COBL: variants seen among roughly 807,000 people sequenced by gnomAD.
COBL encodes protein cordon-bleu.
A neutral mutation model predicts 98.8 loss-of-function variants in COBL; 51 were observed. That is an observed-to-expected ratio of 0.52 (90% confidence interval 0.41 to 0.65). The LOEUF is 0.65. Among genes scored for constraint, COBL ranks in the 30% least tolerant of loss-of-function variants. The probability of loss-of-function intolerance (pLI) is 0.00; values close to 1 mark genes in which losing one functional copy is unlikely to be tolerated. For missense variants in COBL, 1,617 were observed against 1,617.5 expected, an observed-to-expected ratio of 1.00 and a Z score of 0.01; for synonymous variants, 634 against 651.7, an observed-to-expected ratio of 0.97 and a Z score of 0.41.
At chr7:51,269,549 C>A (rs1442221556) in intron 1 of COBL, among the ~76,000 whole-genome samples, 3 of 152,346 alleles carry the variant, frequency 2.0e-5, no homozygotes, top group Non-Finnish European at 2.9e-5. Flanking sequence ...GGAGCGTGGG[C>A]TCCATGTCAC....
At chr7:51,089,256 G>A (rs554542549) in intron 6 of COBL, among the ~76,000 whole-genome samples, 3 of 152,218 alleles carry the variant, frequency 2.0e-5, no homozygotes, top group Admixed American at 6.5e-5. Flanking sequence ...ACTCATGCCT[G>A]TAATCCCAGC....
chr7:51,292,980 T>C (rs1410222444), intron 1 of COBL, among the ~76,000 whole-genome samples: 1 of 152,206 alleles, frequency 6.6e-6, no homozygotes, highest in Non-Finnish European at 1.5e-5. Flanking sequence ...ACTAAACACA[T>C]GTGATGCGCC....
Position 51,028,870 on chromosome 7 carries a change from A to G in COBL, c.2226T>C (p.Pro742=). Residue 742 remains proline, a synonymous_variant, in exon 10 of 13, where the codon CCT becomes CCC. Transcript: ENST00000265136. ...KIDELGNLVS[P]HATGIRIISL... is the part of the protein sequence containing the mutation. ...AAATGATCCTGATGCCGGTGGCGTG[A>G]GGACTCACCAAGTTCCCCAGCTCGT... The G allele has an allele frequency of 6.2e-7, 1 of 1,614,178 alleles. No individual in the cohort carries two copies. The highest frequency in any genetic ancestry group is 8.5e-7 in the Non-Finnish European group (1 of 1,180,030).
chr7:51,276,905 A>T (rs1208091706), intron 1 of COBL, among the ~76,000 whole-genome samples: 3 of 152,226 alleles, frequency 2.0e-5, no homozygotes, highest in Non-Finnish European at 4.4e-5. Context: ...GCTGAGGCTC[A>T]TAAGATTTGA....
At chr7:51,269,483 C>T (rs1798556615) in intron 1 of COBL, among the ~76,000 whole-genome samples, 1 of 152,190 alleles carries the variant, frequency 6.6e-6, no homozygotes, top group Non-Finnish European at 1.5e-5. Flanking sequence ...CAGAGTCGGG[C>T]ACTAGGCAGG....
intron 1 of COBL, among the ~76,000 whole-genome samples, chr7:51,291,678 T>G (rs2129187768): frequency 6.6e-6 from 1 of 152,050 alleles, no homozygotes; most frequent in South Asian, 2.1e-4. Context: ...GGGGAATCAC[T>G]TGAACCCAGG....
chr7:51,050,340 A>C (rs950890772), intron 7 of COBL, among the ~76,000 whole-genome samples: 1 of 152,172 alleles, frequency 6.6e-6, no homozygotes, highest in Non-Finnish European at 1.5e-5. Flanking sequence ...GAAAATTCCA[A>C]GTTATTCCAC....
chr7:51,052,874 A>T (rs1370376106), intron 7 of COBL, among the ~76,000 whole-genome samples: 1 of 152,220 alleles, frequency 6.6e-6, no homozygotes, highest in Non-Finnish European at 1.5e-5. Flanking sequence ...TTAGCTTTCC[A>T]TAACACACTG....
chr7:51,309,779 G>C (rs1208013412), intron 1 of COBL, among the ~76,000 whole-genome samples: 1 of 152,192 alleles, frequency 6.6e-6, no homozygotes, highest in Admixed American at 6.5e-5. Flanking sequence ...TGACACAAAA[G>C]CTTACAAAGT....
At position 51,044,364 on chromosome 7, in the gene COBL, A is replaced by G. The variant is rs564975028; in HGVS notation, c.1097-672T>C. On this transcript the variant is annotated intron_variant, in intron 7 of 12. Transcript: ENST00000265136. ...CTTAATACTAATGATGGGTAGCACT[A>G]TGGCTATTCTGCGCAACTACCTAGC... 1.1e-4 allele frequency among the ~76,000 whole-genome samples: 17 copies of G among 152,336 alleles called. No homozygotes were observed. The South Asian group carries it at 3.5e-3, about 32-fold the overall frequency.
chr7:51,103,939 G>A (rs1367448298), intron 6 of COBL, among the ~76,000 whole-genome samples: 1 of 152,214 alleles, frequency 6.6e-6, no homozygotes, highest in African/African-American at 2.4e-5. Context: ...CCAGGCCTTG[G>A]CGGCCACTTT....
intron 1 of COBL, among the ~76,000 whole-genome samples, chr7:51,310,634 T>C (rs1457307927): frequency 6.6e-6 from 1 of 152,074 alleles, no homozygotes; most frequent in Admixed American, 6.6e-5. Flanking sequence ...ACTTACCTGG[T>C]TTATCTTTGG....
At chr7:51,225,507 G>T (rs2129096507) in intron 1 of COBL, among the ~76,000 whole-genome samples, 1 of 152,264 alleles carries the variant, frequency 6.6e-6, no homozygotes, top group East Asian at 1.9e-4. Context: ...AGGCAGGGCA[G>T]GTCCTTGGGA....
At chr7:51,088,340 T>A (rs1299816518) in intron 6 of COBL, among the ~76,000 whole-genome samples, 3 of 105,490 alleles carry the variant, frequency 2.8e-5, no homozygotes, top group East Asian at 2.1e-4. Context: ...TTTTTCTGAT[T>A]TCCCCCCCTC....
At position 51,247,734 on chromosome 7, in the gene COBL, G is replaced by A. The variant is rs140172097; in HGVS notation, c.42-27790C>T. Among the ~76,000 whole-genome samples the A allele has an allele frequency of 3.7e-3, 559 of 152,196 alleles. 1 individual carries two copies. The highest frequency in any genetic ancestry group is 0.013 in the African/African-American group (541 of 41,500). On this transcript the variant is annotated intron_variant, in intron 1 of 12. Transcript: ENST00000265136. ...GGCCAGGCTGGTTCTTGCCATATTC[G>A]ACCCTATTGAAATTATCCTAAGGCA...
At chr7:51,155,566 G>GGT (rs1320766313) in intron 5 of COBL, among the ~76,000 whole-genome samples, 1 of 122,788 alleles carries the variant, frequency 8.1e-6, no homozygotes, top group African/African-American at 3.2e-5. Flanking sequence ...CTCCAGCCTA[G>GGT]GTGACAGAGC....
At chr7:51,017,737 A>G (rs1786414306) in intron 12 of COBL, among the ~76,000 whole-genome samples, 169 bp from the exon 13 acceptor site, 1 of 152,154 alleles carries the variant, frequency 6.6e-6, no homozygotes, top group Non-Finnish European at 1.5e-5. Context: ...GGCTGTCCTC[A>G]CAGACCTTCT....
intron 2 of COBL, among the ~76,000 whole-genome samples, chr7:51,195,373 A>G (rs560903780): frequency 2.6e-5 from 4 of 152,098 alleles, no homozygotes; most frequent in African/African-American, 7.2e-5. Context: ...CCATTGCCCT[A>G]TGTGTCTGTT....
At chr7:51,128,240 AGTTTCC>A (rs1798406267) in intron 6 of COBL, among the ~76,000 whole-genome samples, 1 of 152,230 alleles carries the variant, frequency 6.6e-6, no homozygotes, top group Non-Finnish European at 1.5e-5. Context: ...TCTGAGACTC[AGTTTCC>A]ACAACTCAGA....
Sources: allele counts gnomAD v4.1 joint callset (sites outside exome capture counted in the v4.1 genomes callset), GRCh38; gene constraint gnomAD v4.1.1; transcripts MANE v1.5; gene names NCBI Gene and HGNC (gene_info 2026-07-23, HGNC 2026-07-21).